CELF2: variants seen among roughly 807,000 people sequenced by gnomAD.
CELF2 encodes the protein CUGBP Elav-like family member 2.
CELF2 carries 8 observed loss-of-function variants against 62.6 expected under a neutral mutation model. The ratio of observed to expected loss-of-function variants is 0.13; its 90% CI spans 0.07 to 0.23. CELF2 has a LOEUF of 0.23. Among genes scored for constraint, CELF2 ranks in the 10% least tolerant of loss-of-function variants. The pLI, the probability that CELF2 is intolerant of heterozygous loss-of-function variation, is 1.00. For missense variants in CELF2, 333 were observed against 671.0 expected, an observed-to-expected ratio of 0.50 and a Z score of 5.56; for synonymous variants, 258 against 250.0, an observed-to-expected ratio of 1.03 and a Z score of -0.30.
chr10:10,504,465 T>A, the CELF2 span, among the ~76,000 whole-genome samples: 1 of 152,140 alleles, frequency 6.6e-6, no homozygotes, highest in Non-Finnish European at 1.5e-5. Context: ...TAAGGCATCA[T>A]TTTTACTCTG....
intron 1 of CELF2, among the ~76,000 whole-genome samples, chr10:11,064,093 A>G (rs1440666336): frequency 6.6e-6 from 1 of 152,122 alleles, no homozygotes; most frequent in Non-Finnish European, 1.5e-5. Flanking sequence ...GAGAGACTTG[A>G]TCCCCTCCTT....
rs77347739 is a variant in CELF2 at position 11,306,652 on chromosome 10, T to C, written c.977-7487T>C. Among the ~76,000 whole-genome samples the C allele has an allele frequency of 6.2e-3, 947 of 152,280 alleles. 14 individuals carry two copies. The highest frequency in any genetic ancestry group is 0.022 in the African/African-American group (907 of 41,548). ...CCAGTTGGGGTGAATTTTCAAAGTA[T>C]TGTCTGATGATGTAGAGTGCACAGG... On this transcript the variant is annotated intron_variant, in intron 9 of 12. Transcript: ENST00000633077. This position sits in a 1 kb window ranked among gnomAD's most constrained non-coding sequence, Gnocchi z 4.4.
chr10:11,251,270 ATTTTT>A (rs66615560), intron 4 of CELF2, among the ~76,000 whole-genome samples: 8 of 63,310 alleles, frequency 1.3e-4, no homozygotes, highest in African/African-American at 2.0e-4. Flanking sequence ...ACACAAAGGG[ATTTTT>A]TTTTTTTTTT....
rs2060657666 is a variant in CELF2 at position 11,207,307 on chromosome 10, C to T, written c.272-10118C>T. Among the ~76,000 whole-genome samples, 2 of 152,114 alleles carry T rather than the reference C, an allele frequency of 1.3e-5. No individual in the cohort carries two copies. Among genetic ancestry groups the T allele is most frequent in the African/African-American group, 4.8e-5 (2 of 41,406 alleles). ...AAAACAGGGAGCTTGCTAGTCTTCA[C>T]GGGGTCATGGAAATAACAGAAGATG... On this transcript the variant is annotated intron_variant, in intron 2 of 12. Transcript: ENST00000633077. This position sits in a 1 kb window ranked among gnomAD's most constrained non-coding sequence, Gnocchi z 4.1.
chr10:11,296,933 A>G lies in CELF2; in HGVS notation c.976+8381A>G, dbSNP rs943240584. Among the ~76,000 whole-genome samples, 1 of 152,248 alleles carries G rather than the reference A, an allele frequency of 6.6e-6. No individual in the cohort carries two copies. The highest frequency in any genetic ancestry group is 2.4e-5 in the African/African-American group (1 of 41,466). ...GAAGTTCATCTCACTTTTCACAAGCATGGACATATGGAAAAGGATGCCCAC... is the reference window on the plus strand; with the variant it reads ...GAAGTTCATCTCACTTTTCACAAGCGTGGACATATGGAAAAGGATGCCCAC... On this transcript the variant is annotated intron_variant, in intron 9 of 12. Transcript: ENST00000633077. The surrounding 1 kb of genome is among the most constrained non-coding windows in gnomAD (Gnocchi z 5.0).
intron 9 of CELF2, among the ~76,000 whole-genome samples, chr10:11,307,094 G>C (rs1230915503): frequency 6.6e-5 from 10 of 152,230 alleles, no homozygotes; most frequent in Admixed American, 2.0e-4. Flanking sequence ...CAACACACCT[G>C]TTTGCAGACC....
rs151033836 is a variant in CELF2, at chr10:10,844,858, C to G, written c.53+46041C>G. 3.9e-3 allele frequency among the ~76,000 whole-genome samples: 592 copies of G among 152,218 alleles called. 3 individuals are homozygous for G. Among genetic ancestry groups the G allele is most frequent in the African/African-American group, 0.013 (547 of 41,562 alleles). On this transcript the variant is annotated intron_variant, in intron 1 of 13. Transcript: ENST00000636488. ...TCAGGGAAAACTCAGGAAAGAATGTCTGCTGTTTATTGCTCACCTCTTCCA... is the reference window on the plus strand; with the variant it reads ...TCAGGGAAAACTCAGGAAAGAATGTGTGCTGTTTATTGCTCACCTCTTCCA...
Position 11,223,335 on chromosome 10 carries a change from A to C in CELF2, c.354+5828A>C, listed in dbSNP as rs1422660569. Reference sequence around the variant, plus strand: ...GTGTAGGTGTGAACTCTCCTTGTGGAGCACCCCAGCATACAAACGTGTGGA... The same window carrying C: ...GTGTAGGTGTGAACTCTCCTTGTGGCGCACCCCAGCATACAAACGTGTGGA... On this transcript the variant is annotated intron_variant, in intron 3 of 12. Transcript: ENST00000633077. This position sits in a 1 kb window ranked among gnomAD's most constrained non-coding sequence, Gnocchi z 5.1. 6.6e-6 allele frequency among the ~76,000 whole-genome samples: 1 copy of C among 152,162 alleles called. No homozygotes were observed. The highest frequency in any genetic ancestry group is 1.9e-4 in the East Asian group (1 of 5,186).
chr10:10,750,281 A>T, the CELF2 span, among the ~76,000 whole-genome samples: 2 of 146,898 alleles, frequency 1.4e-5, no homozygotes, highest in African/African-American at 5.0e-5. Flanking sequence ...ACTCCATCTC[A>T]AAGAAAAAAA....
the CELF2 span, among the ~76,000 whole-genome samples, chr10:10,532,961 T>C: frequency 6.6e-6 from 1 of 151,760 alleles, no homozygotes; most frequent in Non-Finnish European, 1.5e-5. Context: ...GTTGGGTTGA[T>C]GGGAATTTTC....
intron 1 of CELF2, among the ~76,000 whole-genome samples, chr10:11,135,884 C>T (rs1393369903): frequency 2.6e-5 from 4 of 152,198 alleles, no homozygotes; most frequent in African/African-American, 9.7e-5. Context: ...ATTCTAGCAT[C>T]TCACTCTAGA....
chr10:10,763,080 T>C, the CELF2 span, among the ~76,000 whole-genome samples: 1 of 152,238 alleles, frequency 6.6e-6, no homozygotes, highest in Admixed American at 6.5e-5. Flanking sequence ...CTTAGCCTCT[T>C]CGAGCTTCAA....
intron 2 of CELF2, among the ~76,000 whole-genome samples, chr10:10,965,625 A>T (rs1201321401): frequency 6.6e-6 from 1 of 152,176 alleles, no homozygotes; most frequent in Non-Finnish European, 1.5e-5. Context: ...TATCATCCAA[A>T]TTGTATTTGA....
At chr10:11,048,474 T>C (rs1302823785) in intron 1 of CELF2, among the ~76,000 whole-genome samples, 1 of 152,234 alleles carries the variant, frequency 6.6e-6, no homozygotes, top group African/African-American at 2.4e-5. Context: ...AATTCCAGGA[T>C]GGTTATTTGT....
intron 1 of CELF2, among the ~76,000 whole-genome samples, chr10:11,080,378 C>T (rs2073673431): frequency 6.6e-6 from 1 of 152,106 alleles, no homozygotes; most frequent in South Asian, 2.1e-4. Flanking sequence ...AGTAAACATT[C>T]ATGGAATGAG....
the CELF2 span, among the ~76,000 whole-genome samples, chr10:10,631,044 G>A: frequency 1.2e-4 from 19 of 152,278 alleles, no homozygotes; most frequent in African/African-American, 2.9e-4. Context: ...ACTATAGTGC[G>A]ACGTTAAAAC....
Position 10,853,676 on chromosome 10 carries a change from C to T in CELF2, c.53+54859C>T, listed in dbSNP as rs559904446. Among the ~76,000 whole-genome samples, 7 of 151,736 alleles carry T rather than the reference C, an allele frequency of 4.6e-5. No homozygotes were observed. In the South Asian group the frequency reaches 6.3e-4, roughly 14 times the overall value. On this transcript the variant is annotated intron_variant, in intron 1 of 13. Transcript: ENST00000636488. ...GCCCCCTTATTGCGAGACTAGGTCA[C>T]GTGCCTTCCTCCTGGCCACATGGAG...
intron 1 of CELF2, among the ~76,000 whole-genome samples, chr10:11,147,678 TC>T (rs2062534974): frequency 6.6e-6 from 1 of 152,238 alleles, no homozygotes; most frequent in Admixed American, 6.5e-5. Context: ...GCAAGTGGAT[TC>T]CTCTTGTATT....
chr10:10,644,615 G>A, the CELF2 span, among the ~76,000 whole-genome samples: 1 of 152,106 alleles, frequency 6.6e-6, no homozygotes, highest in Non-Finnish European at 1.5e-5. Flanking sequence ...TCTGAGGCAG[G>A]ATCAGCCTGG....
Sources: allele counts gnomAD v4.1 joint callset (sites outside exome capture counted in the v4.1 genomes callset), GRCh38; gene constraint gnomAD v4.1.1; non-coding constraint Gnocchi (gnomAD v3.1); transcripts MANE v1.5; gene names NCBI Gene and HGNC (gene_info 2026-07-23, HGNC 2026-07-21).